SERAC1: variants seen among roughly 807,000 people sequenced by gnomAD.
The protein encoded by SERAC1 is protein SERAC1.
In SERAC1, 36 loss-of-function variants were observed where a neutral mutation model predicts 85.7. That is an observed-to-expected ratio of 0.42 (90% CI 0.32 to 0.55). SERAC1 has a LOEUF of 0.55. SERAC1 is among the 20% of genes least tolerant of loss of function. SERAC1 has a pLI of 0.11. For missense variants in SERAC1, 629 were observed against 796.2 expected (o/e 0.79, Z 2.53); for synonymous variants, 242 against 265.3 (o/e 0.91, Z 0.85).
chr6:158,113,593 C>G lies in SERAC1; in HGVS notation c.1685-1G>C, dbSNP rs771555107. 2.5e-6 allele frequency: 4 copies of G among 1,612,370 alleles called. No individual in the cohort carries two copies. The highest frequency in any genetic ancestry group is 3.4e-6 in the Non-Finnish European group (4 of 1,178,794). ...TGTAGTGTTTTAAGTGCAGGAGAAT[C>G]TGTAAAATTATACAGAACAAGACTG... is the stretch of plus-strand genomic sequence containing the variant. On this transcript the variant is annotated splice_acceptor_variant, in intron 15 of 16. Coordinates refer to ENST00000647468, the MANE Select transcript of SERAC1 (RefSeq NM_032861.4). LOFTEE classifies it high-confidence loss of function.
At chr6:158,126,787 G>A (rs1222856998) in intron 10 of SERAC1, among the ~76,000 whole-genome samples, 2 of 152,036 alleles carry the variant, frequency 1.3e-5, no homozygotes, top group Non-Finnish European at 2.9e-5. Context: ...TTACAGGCCA[G>A]GCATGGTAAT....
rs1562432974 is a variant in SERAC1 at position 158,116,271 on chromosome 6, G to A, written c.1415C>T (p.Ala472Val). The A allele has an allele frequency of 6.2e-7, 1 of 1,613,946 alleles. No individual in the cohort carries two copies. The change falls in exon 14 of 17, where the codon GCA becomes GTA. Residue 472 changes from alanine (A) to valine (V), a missense_variant. Coordinates refer to ENST00000647468, the MANE Select transcript of SERAC1 (RefSeq NM_032861.4). ...ARCPMERKSI[A>V]FRSNELLRKL... ...CCTAAGAAGTTCGTTGCTTCTGAAT[G>A]CAATGGACTTTCTGAACAAAACAAA...
rs1554261070 is a variant in SERAC1 at position 158,114,843 on chromosome 6, C to CAGAGT, written c.1625_1629dup (p.Val544ThrfsTer44). ...GGGAAGAGAAGATAGCGAATATTAA[C>CAGAGT]AGAGTATTCAGCCAAACGTGATCCA... On this transcript the variant is annotated frameshift_variant, in exon 15 of 17. Transcript: ENST00000647468. LOFTEE classifies it high-confidence loss of function. 1 of 1,613,888 alleles carries CAGAGT rather than the reference C, an allele frequency of 6.2e-7. No homozygotes were observed. Among genetic ancestry groups the CAGAGT allele is most frequent in the Non-Finnish European group, 8.5e-7 (1 of 1,179,978 alleles).
intron 15 of SERAC1, chr6:158,114,406 A>C (rs1013889756): frequency 2.0e-5 from 16 of 815,542 alleles, no homozygotes; most frequent in Non-Finnish European, 2.4e-5. Flanking sequence ...AAACCAGAGT[A>C]CTTTAAAATT....
chr6:158,132,457 T>C (rs1421377646), intron 8 of SERAC1, among the ~76,000 whole-genome samples: 1 of 152,072 alleles, frequency 6.6e-6, no homozygotes, highest in Non-Finnish European at 1.5e-5. Context: ...CAATGGTAAA[T>C]AGTGGATTGG....
At position 158,117,225 on chromosome 6, in the gene SERAC1, C is replaced by T. The variant is rs1247257113; in HGVS notation, c.1403+502G>A. On this transcript the variant is annotated intron_variant, in intron 13 of 16. Transcript: ENST00000647468. This position sits in a 1 kb window ranked among gnomAD's most constrained non-coding sequence, Gnocchi z 4.3. ...AGACAAAGCTTCCCGGAAAAGTTAA[C>T]TGACTGGTCTAAGACTGCACAGCAA... 4 of 312,642 alleles carry T rather than the reference C, an allele frequency of 1.3e-5. No individual in the cohort carries two copies. The South Asian group carries it at 3.4e-4, about 27-fold the overall frequency. 19.4% of individuals were successfully genotyped at this position (312,642 alleles called of 1,614,324 possible).
At position 158,119,704 on chromosome 6, in the gene SERAC1, C is replaced by A. The variant is rs1369942311; in HGVS notation, c.1167-534G>T. Among the ~76,000 whole-genome samples the A allele has an allele frequency of 2.6e-5, 4 of 152,134 alleles. No homozygotes were observed. Among genetic ancestry groups the A allele is most frequent in the African/African-American group, 9.7e-5 (4 of 41,434 alleles). Reference sequence around the variant, plus strand: ...TTGCAAGCTATTTACAGTACACATACAATTATGCAATGCACATATATAACC... The same window carrying A: ...TTGCAAGCTATTTACAGTACACATAAAATTATGCAATGCACATATATAACC... On this transcript the variant is annotated intron_variant, in intron 11 of 16. Coordinates refer to ENST00000647468, the MANE Select transcript of SERAC1 (RefSeq NM_032861.4). This position sits in a 1 kb window ranked among gnomAD's most constrained non-coding sequence, Gnocchi z 4.5.
chr6:158,124,510 C>T (rs931526409), intron 10 of SERAC1, among the ~76,000 whole-genome samples: 2 of 151,996 alleles, frequency 1.3e-5, no homozygotes, highest in Non-Finnish European at 2.9e-5. Context: ...GTTCTCACCA[C>T]AAAAAATGAT....
chr6:158,112,451 C>T (rs559532666), intron 16 of SERAC1: 30,838 of 151,802 alleles, frequency 0.2, 3,228 homozygotes, highest in East Asian at 0.3. Context: ...TTGCTTCAAG[C>T]TTCCAAAGTC....
intron 1 of SERAC1, among the ~76,000 whole-genome samples, chr6:158,159,791 A>C (rs1189927912): frequency 6.6e-6 from 1 of 151,658 alleles, no homozygotes; most frequent in Admixed American, 6.6e-5. Context: ...CACTCAACTA[A>C]TTTTTTGTAT....
chr6:158,123,953 T>G (rs1012957320), intron 10 of SERAC1, among the ~76,000 whole-genome samples: 1 of 152,120 alleles, frequency 6.6e-6, no homozygotes, highest in African/African-American at 2.4e-5. Flanking sequence ...GGGCTGATTT[T>G]TAGGTGAAGT....
chr6:158,147,055 T>C (rs1198650533), intron 5 of SERAC1, 142 bp from the exon 6 acceptor site: 7 of 815,602 alleles, frequency 8.6e-6, no homozygotes, highest in Admixed American at 3.0e-5. Context: ...AAAACTAATA[T>C]TATTTGTTCT....
At position 158,111,423 on chromosome 6, in the gene SERAC1, CA is replaced by C. The variant is rs1784141877; in HGVS notation, c.1907del (p.Leu636CysfsTer13). 1.9e-6 allele frequency: 3 copies of C among 1,610,754 alleles called. No homozygotes were observed. The highest frequency in any genetic ancestry group is 2.7e-5 in the African/African-American group (2 of 74,708). ...ICKPKKKDAFLYQRTLQFIRE... is the reference protein window; with the variant it reads ...ICKPKKKDAFXYQRTLQFIRE... ...GAATGAATTGTAAAGTACGCTGGTA[CA>C]AAAAAGCATCCTTTTTCTTTGGCTT... On this transcript the variant is annotated frameshift_variant, in exon 17 of 17. Coordinates refer to ENST00000647468, the MANE Select transcript of SERAC1 (RefSeq NM_032861.4). LOFTEE classifies it high-confidence loss of function.
chr6:158,144,292 T>A lies in SERAC1; in HGVS notation c.609+7A>T, dbSNP rs781324853. 1.2e-6 allele frequency: 2 copies of A among 1,601,362 alleles called. No homozygotes were observed. Among genetic ancestry groups the A allele is most frequent in the African/African-American group, 1.3e-5 (1 of 74,458 alleles). On this transcript the variant is annotated splice_region_variant and intron_variant, in intron 7 of 16. Coordinates refer to ENST00000647468, the MANE Select transcript of SERAC1 (RefSeq NM_032861.4). ...CTCTAAATTACTATTATTATTGTTT[T>A]ACTTACTTCTTTTAAAGATGGCAAA...
At chr6:158,149,381 C>T (rs1300933400) in intron 4 of SERAC1, among the ~76,000 whole-genome samples, 1 of 152,218 alleles carries the variant, frequency 6.6e-6, no homozygotes, top group African/African-American at 2.4e-5. Context: ...CAAAATAACA[C>T]TGTTGTCTTT....
intron 2 of SERAC1, among the ~76,000 whole-genome samples, chr6:158,155,749 A>G (rs1298682204): frequency 1.3e-5 from 2 of 152,236 alleles, no homozygotes; most frequent in Non-Finnish European, 2.9e-5. Context: ...TACTAGGACT[A>G]TACTGAAGGA....
chr6:158,119,886 C>T lies in SERAC1; in HGVS notation c.1166+539G>A, dbSNP rs1486914297. 6.6e-6 allele frequency among the ~76,000 whole-genome samples: 1 copy of T among 152,064 alleles called. No individual in the cohort carries two copies. Among genetic ancestry groups the T allele is most frequent in the Non-Finnish European group, 1.5e-5 (1 of 68,008 alleles). Reference sequence around the variant, plus strand: ...GTCCCTTCTATATTTATTGTCTTAGCAATTATACAACTAGATATAATGACC... The same window carrying T: ...GTCCCTTCTATATTTATTGTCTTAGTAATTATACAACTAGATATAATGACC... On this transcript the variant is annotated intron_variant, in intron 11 of 16. Transcript: ENST00000647468. This position sits in a 1 kb window ranked among gnomAD's most constrained non-coding sequence, Gnocchi z 4.5.
intron 10 of SERAC1, among the ~76,000 whole-genome samples, chr6:158,121,576 C>T (rs1016817799): frequency 2.0e-5 from 3 of 151,224 alleles, no homozygotes; most frequent in African/African-American, 4.9e-5. Context: ...CCACTCTTTA[C>T]GACAAAAGTG....
chr6:158,162,813 T>C (rs539614535), intron 1 of SERAC1, among the ~76,000 whole-genome samples: 1 of 152,318 alleles, frequency 6.6e-6, no homozygotes, highest in East Asian at 1.9e-4. Context: ...TTTTTACACA[T>C]AGTTTTTGTC....
Sources: gnomAD v4.1 joint callset for allele counts (sites outside exome capture counted in the v4.1 genomes callset) on GRCh38, gnomAD v4.1.1 for gene constraint, Gnocchi (gnomAD v3.1) non-coding constraint, MANE v1.5 for transcripts, NCBI Gene and HGNC (gene_info 2026-07-23, HGNC 2026-07-21) for gene names.